The following SAXO5 variants were observed in gnomAD, a reference collection of about 807,000 sequenced individuals.
SAXO5 encodes testis expressed 45.
chr19:7,501,239 G>A, the SAXO5 span: 6 of 1,555,336 alleles, frequency 3.9e-6, no homozygotes, highest in South Asian at 5.8e-5. Flanking sequence ...AGCTGCCGGC[G>A]CGCACCCGAG....
the SAXO5 span, among the ~76,000 whole-genome samples, chr19:7,499,400 AG>A: frequency 1.3e-5 from 2 of 148,314 alleles, no homozygotes; most frequent in Non-Finnish European, 3.0e-5. Context: ...GGGGGAGAGA[AG>A]GGAGAAAAAG....
At chr19:7,508,013 C>A in the SAXO5 span, among the ~76,000 whole-genome samples, 1 of 152,172 alleles carries the variant, frequency 6.6e-6, no homozygotes, top group Non-Finnish European at 1.5e-5. Context: ...GCCATAGCCT[C>A]GCCCCTTTCC....
chr19:7,500,478 A>ATTT, the SAXO5 span, among the ~76,000 whole-genome samples: 3,664 of 147,922 alleles, frequency 0.025, 141 homozygotes, highest in African/African-American at 0.088. Flanking sequence ...ATTTTTTTTA[A>ATTT]AAATTATTTT....
the SAXO5 span, among the ~76,000 whole-genome samples, chr19:7,502,358 C>T: frequency 6.6e-6 from 1 of 152,174 alleles, no homozygotes. Flanking sequence ...AATCCATCTG[C>T]CTCGACCTCC....
At chr19:7,505,921 C>A in the SAXO5 span, 2 of 1,528,538 alleles carry the variant, frequency 1.3e-6, no homozygotes, top group Non-Finnish European at 1.8e-6. Context: ...GGCCCGGGGA[C>A]CTCTCGGACG....
At chr19:7,508,373 G>A in the SAXO5 span, 1 of 1,613,718 alleles carries the variant, frequency 6.2e-7, no homozygotes, top group Non-Finnish European at 8.5e-7. Context: ...GCTGCAGGGA[G>A]AAGATAGACC....
At chr19:7,502,904 C>A in the SAXO5 span, among the ~76,000 whole-genome samples, 2 of 152,138 alleles carry the variant, frequency 1.3e-5, no homozygotes, top group Admixed American at 6.6e-5. Flanking sequence ...TCCAGGGACC[C>A]TTTGGGTGAA....
chr19:7,501,449 T>C, the SAXO5 span: 1 of 1,423,942 alleles, frequency 7.0e-7, no homozygotes, highest in Non-Finnish European at 9.1e-7. Flanking sequence ...ATTGTGGTTC[T>C]CAAACAGGGG....
chr19:7,501,136 C>G, the SAXO5 span: 1 of 1,507,632 alleles, frequency 6.6e-7, no homozygotes, highest in Non-Finnish European at 8.8e-7. Flanking sequence ...CGGGAACGCA[C>G]GCTCGCCATG....
the SAXO5 span, among the ~76,000 whole-genome samples, chr19:7,502,176 G>A: frequency 7.2e-5 from 11 of 151,870 alleles, no homozygotes; most frequent in East Asian, 1.9e-4. Flanking sequence ...GCATGATCTC[G>A]GCTCACACAG....
At chr19:7,505,721 A>G in the SAXO5 span, 2 of 1,238,088 alleles carry the variant, frequency 1.6e-6, no homozygotes, top group Non-Finnish European at 2.3e-6. Flanking sequence ...TGAGCTTGAT[A>G]TGTATGCAGG....
At chr19:7,503,325 C>T in the SAXO5 span, among the ~76,000 whole-genome samples, 1 of 152,002 alleles carries the variant, frequency 6.6e-6, no homozygotes, top group South Asian at 2.1e-4. Flanking sequence ...CAAGATTGTG[C>T]CACTGCACTC....
At chr19:7,503,085 G>A in the SAXO5 span, among the ~76,000 whole-genome samples, 12 of 152,276 alleles carry the variant, frequency 7.9e-5, no homozygotes, top group South Asian at 4.1e-4. Context: ...AGTTGCGGCC[G>A]GGTGCAATGG....
chr19:7,504,080 A>ATCTCTCTG, the SAXO5 span: 4 of 1,201,798 alleles, frequency 3.3e-6, no homozygotes, highest in Non-Finnish European at 4.8e-6. Context: ...GGGAATCTCA[A>ATCTCTCTG]TCTCTCTCTC....
At chr19:7,507,381 G>A in the SAXO5 span, among the ~76,000 whole-genome samples, 1 of 152,108 alleles carries the variant, frequency 6.6e-6, no homozygotes, top group Non-Finnish European at 1.5e-5. Flanking sequence ...TCAGGAGTTC[G>A]AGACCAGCCT....
the SAXO5 span, among the ~76,000 whole-genome samples, chr19:7,503,631 C>T: frequency 6.6e-6 from 1 of 151,988 alleles, no homozygotes; most frequent in Admixed American, 6.6e-5. Context: ...ACTACAGGCA[C>T]ATGCCAACAC....
the SAXO5 span, among the ~76,000 whole-genome samples, chr19:7,502,414 C>A: frequency 6.6e-6 from 1 of 152,076 alleles, no homozygotes; most frequent in African/African-American, 2.4e-5. Context: ...CCAGCCCTTA[C>A]AAAATAAAAA....
At chr19:7,499,434 A>G in the SAXO5 span, among the ~76,000 whole-genome samples, 12 of 152,028 alleles carry the variant, frequency 7.9e-5, no homozygotes, top group Admixed American at 7.9e-4. Flanking sequence ...GGAGATGGCC[A>G]GTGGCTGGGG....
the SAXO5 span, among the ~76,000 whole-genome samples, chr19:7,502,219 C>T: frequency 1.5e-3 from 225 of 152,262 alleles, no homozygotes; most frequent in Non-Finnish European, 2.6e-3. Flanking sequence ...GATCCTCCCA[C>T]CTCAGCCTCC....
Sources: gnomAD v4.1 joint callset for allele counts (sites outside exome capture counted in the v4.1 genomes callset) on GRCh38, gnomAD v4.1.1 for gene constraint, MANE v1.5 for transcripts, NCBI Gene and HGNC (gene_info 2026-07-23, HGNC 2026-07-21) for gene names.